Variants in TEAD1 observed in about 807,000 individuals in gnomAD.
TEAD1 encodes the protein TEA domain transcription factor 1.
Under a neutral mutation model 54.9 loss-of-function variants are expected in TEAD1, and 9 were observed. The observed-to-expected ratio is 0.16, with a 90% CI of 0.10 to 0.29. TEAD1 has a LOEUF of 0.29. TEAD1 is among the 10% of genes least tolerant of loss of function. The pLI, the probability that TEAD1 is intolerant of heterozygous loss-of-function variation, is 1.00. For synonymous variants in TEAD1, 200 were observed against 187.8 expected, an observed-to-expected ratio of 1.07 and a Z score of -0.53; for missense variants, 387 against 535.9, an observed-to-expected ratio of 0.72 and a Z score of 2.74.
intron 3 of TEAD1, among the ~76,000 whole-genome samples, chr11:12,769,055 T>C (rs889414307): frequency 4.6e-5 from 7 of 152,114 alleles, no homozygotes; most frequent in African/African-American, 1.7e-4. Context: ...ATAAGCAGTC[T>C]GGGCAGAGCT....
chr11:12,814,390 G>A (rs1362868968), intron 3 of TEAD1, among the ~76,000 whole-genome samples: 1 of 152,110 alleles, frequency 6.6e-6, no homozygotes, highest in African/African-American at 2.4e-5. Context: ...GGGGCCTTTG[G>A]CAGCGCTGAA....
At chr11:12,738,479 C>T (rs1299169869) in intron 2 of TEAD1, among the ~76,000 whole-genome samples, 5 of 152,142 alleles carry the variant, frequency 3.3e-5, no homozygotes, top group Non-Finnish European at 5.9e-5. Context: ...GAAGAGGTGG[C>T]GTGTCTCAGC....
rs78197764 is a variant in TEAD1, at chr11:12,882,917, A to G, written c.575-84A>G. Reference sequence around the variant, plus strand: ...GGCTGTTGGCATTTCCTTCTGGGTCATCTGTAGAGCCCTGTTCCAGTATTT... The same window carrying G: ...GGCTGTTGGCATTTCCTTCTGGGTCGTCTGTAGAGCCCTGTTCCAGTATTT... On this transcript the variant is annotated intron_variant, in intron 8 of 12. Coordinates refer to ENST00000527636, the MANE Select transcript of TEAD1 (RefSeq NM_021961.6). 15,556 of 1,608,392 alleles carry G rather than the reference A, an allele frequency of 9.7e-3. 736 individuals are homozygous for G. The African/African-American group carries it at 0.13, about 14-fold the overall frequency.
chr11:12,900,227 A>AT (rs3046322), intron 9 of TEAD1, among the ~76,000 whole-genome samples: 3,509 of 142,538 alleles, frequency 0.025, 144 homozygotes, highest in African/African-American at 0.08. Context: ...ACACCTGGTG[A>AT]TTTTTTTTTT....
At chr11:12,682,791 G>C (rs1327525620) in intron 2 of TEAD1, among the ~76,000 whole-genome samples, 1 of 152,190 alleles carries the variant, frequency 6.6e-6, no homozygotes, top group Admixed American at 6.5e-5. Flanking sequence ...AGAGTTTACA[G>C]ATTAGCAAGG....
intron 2 of TEAD1, among the ~76,000 whole-genome samples, chr11:12,708,900 G>A (rs1943873729): frequency 6.6e-6 from 1 of 152,176 alleles, no homozygotes; most frequent in Admixed American, 6.5e-5. Flanking sequence ...TGCATATTAT[G>A]TAAAGGTTTA....
chr11:12,846,381 T>A (rs1353441368), intron 3 of TEAD1, among the ~76,000 whole-genome samples: 3 of 152,230 alleles, frequency 2.0e-5, no homozygotes, highest in Non-Finnish European at 4.4e-5. Flanking sequence ...TTAAACTGCT[T>A]AAGCGGTTGT....
In TEAD1 at chr11:12,784,399, G is replaced by A. The variant is rs575956105; in HGVS notation, c.202+19965G>A. Among the ~76,000 whole-genome samples, 17 of 152,242 alleles carry A rather than the reference G, an allele frequency of 1.1e-4. No individual in the cohort carries two copies. The South Asian group carries it at 3.5e-3, about 32-fold the overall frequency. ...AGCATTCTGGATTTGAGAACAGTTT[G>A]GAAAACATCATCACAGGGTTTGGAG... is the stretch of plus-strand genomic sequence containing the variant. On this transcript the variant is annotated intron_variant, in intron 3 of 12. Coordinates refer to ENST00000527636, the MANE Select transcript of TEAD1 (RefSeq NM_021961.6).
At position 12,879,465 on chromosome 11, in the gene TEAD1, GA is replaced by G. The variant is rs1947922230; in HGVS notation, c.331-239del. ...TTCTGAGAGGCTTCACATTCTGTTG[GA>G]AAATGGATTTAATCCCTAAAAAAAG... On this transcript the variant is annotated intron_variant, in intron 5 of 12. Transcript: ENST00000527636. 15 of 628,220 alleles carry G rather than the reference GA, an allele frequency of 2.4e-5. No individual in the cohort carries two copies. In the East Asian group the frequency reaches 4.1e-4, roughly 17 times the overall value. 38.9% of individuals were successfully genotyped at this position (628,220 alleles called of 1,614,324 possible). A position where few individuals can be genotyped will look rare whatever the true frequency, so the allele number is the denominator to read the frequency against.
In TEAD1 at chr11:12,819,129, T is replaced by C. The variant is rs111739542; in HGVS notation, c.203-43121T>C. On this transcript the variant is annotated intron_variant, in intron 3 of 12. Transcript: ENST00000527636. ...TGTCCTGGAAAATCTGGAACACATATTGACCCAGATCCAGACAGTGGGTTA... is the reference window on the plus strand; with the variant it reads ...TGTCCTGGAAAATCTGGAACACATACTGACCCAGATCCAGACAGTGGGTTA... Among the ~76,000 whole-genome samples the C allele has an allele frequency of 9.9e-5, 15 of 152,264 alleles. No homozygotes were observed. The East Asian group carries it at 2.5e-3, about 25-fold the overall frequency.
intron 3 of TEAD1, among the ~76,000 whole-genome samples, chr11:12,796,834 G>A (rs974576953): frequency 1.3e-5 from 2 of 150,960 alleles, no homozygotes; most frequent in Non-Finnish European, 3.0e-5. Context: ...AGATGTGGCC[G>A]GGTGCGGTAG....
intron 9 of TEAD1, among the ~76,000 whole-genome samples, chr11:12,885,956 G>T (rs1224153093): frequency 6.6e-6 from 1 of 152,216 alleles, no homozygotes; most frequent in Non-Finnish European, 1.5e-5. Context: ...ATGCCTAGCA[G>T]GGGAGACAGA....
intron 2 of TEAD1, among the ~76,000 whole-genome samples, chr11:12,727,229 AAAC>A (rs945309889): frequency 2.0e-5 from 3 of 152,180 alleles, no homozygotes; most frequent in African/African-American, 7.2e-5. Flanking sequence ...ACAGAAACAA[AAAC>A]AACAACAAAA....
chr11:12,865,076 A>G, intron 5 of TEAD1, 176 bp downstream of exon 5: 4 of 745,910 alleles, frequency 5.4e-6, no homozygotes, highest in Non-Finnish European at 7.0e-6. Context: ...CTCACATTAA[A>G]CTCAATGTGT....
At chr11:12,726,016 T>C (rs1037906631) in intron 2 of TEAD1, among the ~76,000 whole-genome samples, 3 of 152,194 alleles carry the variant, frequency 2.0e-5, no homozygotes, top group African/African-American at 7.2e-5. Context: ...CAAATATTTA[T>C]TGAGCCAGTT....
intron 8 of TEAD1, 145 bp from the exon 9 acceptor site, chr11:12,882,853 TGTC>T: frequency 1.7e-6 from 2 of 1,164,526 alleles, no homozygotes; most frequent in South Asian, 1.3e-5. Flanking sequence ...TGCCAGCATC[TGTC>T]GTCTGAGTTA....
intron 3 of TEAD1, among the ~76,000 whole-genome samples, chr11:12,850,909 G>C (rs1163653425): frequency 6.6e-6 from 1 of 152,162 alleles, no homozygotes; most frequent in Non-Finnish European, 1.5e-5. Flanking sequence ...AAGAAGCAAT[G>C]AGCATGCATT....
rs181103912 is a variant in TEAD1, at chr11:12,756,055, A to T, written c.-54-8124A>T. On this transcript the variant is annotated intron_variant, in intron 2 of 12. Coordinates refer to ENST00000527636, the MANE Select transcript of TEAD1 (RefSeq NM_021961.6). The stretch of plus-strand genomic sequence containing the variant: ...TTCTTGAGCTGTCACCTGGGCAAGT[A>T]CTTAGGGCTGATGGAGCGGAGAATT... Among the ~76,000 whole-genome samples, 118 of 152,290 alleles carry T rather than the reference A, an allele frequency of 7.7e-4. 2 individuals are homozygous for T. The Middle Eastern group carries it at 0.017, about 22-fold the overall frequency.
At chr11:12,808,750 C>T (rs1208895619) in intron 3 of TEAD1, among the ~76,000 whole-genome samples, 1 of 152,148 alleles carries the variant, frequency 6.6e-6, no homozygotes, top group Non-Finnish European at 1.5e-5. Context: ...TGCCTTTACT[C>T]ATCACCATAA....
Sources: gnomAD v4.1 joint callset for allele counts (sites outside exome capture counted in the v4.1 genomes callset) on GRCh38, gnomAD v4.1.1 for gene constraint, MANE v1.5 for transcripts, NCBI Gene and HGNC (gene_info 2026-07-23, HGNC 2026-07-21) for gene names.